MAN2B1: variants seen among roughly 807,000 people sequenced by gnomAD.
MAN2B1 encodes mannosidase alpha class 2B member 1, also known as lysosomal alpha-mannosidase.
MAN2B1 carries 99 observed loss-of-function variants against 127.5 expected under a neutral mutation model. That is an observed-to-expected ratio of 0.78 (90% CI 0.66 to 0.92). The LOEUF (loss-of-function observed/expected upper bound fraction) is 0.92. Ranked by LOEUF, MAN2B1 falls within the 40% of genes least tolerant of loss-of-function variation. The probability of loss-of-function intolerance (pLI) is 0.00; values close to 1 mark genes in which losing one functional copy is unlikely to be tolerated. For synonymous variants in MAN2B1, 573 were observed against 568.8 expected, an observed-to-expected ratio of 1.01 and a Z score of -0.11; for missense variants, 1,304 against 1,384.8, an observed-to-expected ratio of 0.94 and a Z score of 0.93.
chr19:12,652,619 C>T (rs182568218), intron 14 of MAN2B1, among the ~76,000 whole-genome samples, 159 bp from the exon 15 acceptor site: 4 of 150,790 alleles, frequency 2.7e-5, no homozygotes, highest in Non-Finnish European at 5.9e-5. Context: ...GCACCCCCCA[C>T]CTCCCGGGTT....
intron 1 of MAN2B1, 135 bp downstream of exon 1, chr19:12,666,408 G>A (rs1348878979): frequency 1.1e-5 from 11 of 982,834 alleles, no homozygotes; most frequent in East Asian, 2.6e-5. Flanking sequence ...ATGACACAAA[G>A]CACGCACTCA....
chr19:12,648,310 C>T lies in MAN2B1; in HGVS notation c.2529G>A (p.Leu843=), dbSNP rs2145225369. ...GSGAWVRGRH[L]VLLDTAQAAA... ...CAGCCTGGGCTGTGTCCAGCAGCAC[C>T]AGGTGGCGCCCTCGCACCCACGCCC... Residue 843 remains leucine (L), a synonymous_variant, in exon 21 of 24, where the codon CTG becomes CTA. Transcript: ENST00000456935. 1 of 1,613,354 alleles carries T rather than the reference C, an allele frequency of 6.2e-7. No individual in the cohort carries two copies. Among genetic ancestry groups the T allele is most frequent in the Non-Finnish European group, 8.5e-7 (1 of 1,179,870 alleles).
intron 4 of MAN2B1, among the ~76,000 whole-genome samples, chr19:12,664,378 C>T (rs777763573): frequency 2.5e-4 from 38 of 151,646 alleles, no homozygotes; most frequent in Non-Finnish European, 5.0e-4. Flanking sequence ...ACTGTCAAAG[C>T]GCAGAGCAGG....
In MAN2B1 at chr19:12,664,788, G is replaced by A. The variant is rs1305570752; in HGVS notation, c.630+4C>T. On this transcript the variant is annotated splice_donor_region_variant and intron_variant, in intron 4 of 23. Coordinates refer to ENST00000456935, the MANE Select transcript of MAN2B1 (RefSeq NM_000528.4). ...GTGGGCCCAAGAGAGGTCCCGGGTC[G>A]CACCTGCGCAAACAGCGAGGCCTGC... 1.4e-5 allele frequency: 23 copies of A among 1,611,716 alleles called. No homozygotes were observed. The highest frequency in any genetic ancestry group is 2.2e-5 in the East Asian group (1 of 44,800).
intron 7 of MAN2B1, among the ~76,000 whole-genome samples, chr19:12,660,262 T>C (rs2024069402): frequency 6.6e-6 from 1 of 152,200 alleles, no homozygotes; most frequent in Non-Finnish European, 1.5e-5. Context: ...TCCCAGCACC[T>C]TGGGAGGCCG....
chr19:12,648,260 G>C lies in MAN2B1; in HGVS notation c.2579C>G (p.Ala860Gly), dbSNP rs749425508. The change falls in exon 21 of 24, where the codon GCG becomes GGG. Residue 860 changes from alanine to glycine, a missense_variant. Ala to Gly is a moderately conservative substitution (Grantham distance 60). Transcript: ENST00000456935. ...QAAAAGHRLL[A>G]EQEVLAPQVV... ...CTGAGGGGCCAGGACCTCCTGCTCCGCCAGGAGCCGGTGTCCGGCGGCTGC... is the reference window on the plus strand; with the variant it reads ...CTGAGGGGCCAGGACCTCCTGCTCCCCCAGGAGCCGGTGTCCGGCGGCTGC... 8.1e-6 allele frequency: 13 copies of C among 1,604,634 alleles called. No individual in the cohort carries two copies. In the East Asian group the frequency reaches 2.9e-4, roughly 36 times the overall value.
At chr19:12,659,096 A>G (rs1456351368) in intron 7 of MAN2B1, 1 of 165,246 alleles carries the variant, frequency 6.1e-6, no homozygotes, top group East Asian at 1.7e-4. Context: ...TGACCTCATG[A>G]TCCGCCCGCC....
chr19:12,658,055 AC>A lies in MAN2B1; in HGVS notation c.1309+7del, dbSNP rs1382121208. 25 of 1,611,980 alleles carry A rather than the reference AC, an allele frequency of 1.6e-5. No homozygotes were observed. The highest frequency in any genetic ancestry group is 2.1e-5 in the Non-Finnish European group (25 of 1,179,628). On this transcript the variant is annotated splice_region_variant and intron_variant, in intron 10 of 23. Coordinates refer to ENST00000456935, the MANE Select transcript of MAN2B1 (RefSeq NM_000528.4). The stretch of plus-strand genomic sequence containing the variant: ...CAAACCTCTTCCCCTCTTGGGCCCG[AC>A]ACTTACTGAGGGGTGCACTGTCTCC...
At chr19:12,657,319 G>C in intron 11 of MAN2B1, 127 bp downstream of exon 11, 1 of 356,302 alleles carries the variant, frequency 2.8e-6, no homozygotes, top group Non-Finnish European at 4.0e-6. Flanking sequence ...CCGCCCCCAC[G>C]AGCCCTTGTA....
chr19:12,656,896 T>G (rs2023974908), intron 12 of MAN2B1, 53 bp downstream of exon 12: 2 of 1,407,638 alleles, frequency 1.4e-6, no homozygotes, highest in Middle Eastern at 1.8e-4. Flanking sequence ...ATTTTCCAAC[T>G]ACCCCCTCTA....
chr19:12,648,063 G>C, intron 21 of MAN2B1, 112 bp downstream of exon 21: 1 of 1,142,548 alleles, frequency 8.8e-7, no homozygotes, highest in East Asian at 2.6e-5. Context: ...CGAGGGTTTG[G>C]GGCTAATTAT....
Position 12,665,444 on chromosome 19 carries a change from C to T in MAN2B1, c.344G>A (p.Arg115His), listed in dbSNP as rs770824792. 8.7e-6 allele frequency: 14 copies of T among 1,613,916 alleles called. No homozygotes were observed. Among genetic ancestry groups the T allele is most frequent in the Non-Finnish European group, 1.1e-5 (13 of 1,180,038 alleles). The change falls in exon 3 of 24, where the codon CGC (arginine) becomes CAC (histidine). Residue 115 changes from arginine (R) to histidine (H), a missense_variant. By Grantham distance (29) the Arg-to-His change is conservative. Transcript: ENST00000456935. ...ISALLADPTR[R>H]FIYVEIAFFS... Reference sequence around the variant, plus strand: ...GAAGGCAATCTCCACGTAAATGAAGCGACGGGTGGGATCTGCCAGCAAGGC... The same window carrying T: ...GAAGGCAATCTCCACGTAAATGAAGTGACGGGTGGGATCTGCCAGCAAGGC...
intron 14 of MAN2B1, among the ~76,000 whole-genome samples, chr19:12,654,691 T>C (rs765625349): frequency 1.1e-4 from 17 of 152,200 alleles, no homozygotes; most frequent in Non-Finnish European, 1.9e-4. Context: ...TTTTATTTTA[T>C]TGAGACAGGG....
In MAN2B1 at chr19:12,649,352, TC is replaced by T; in HGVS notation, c.2343del (p.Ile782PhefsTer10). On this transcript the variant is annotated frameshift_variant, in exon 19 of 24. Coordinates refer to ENST00000456935, the MANE Select transcript of MAN2B1 (RefSeq NM_000528.4). LOFTEE classifies it high-confidence loss of function. ...TGGGGGAGAGCTACCGTGATGTAAATCCGGGTGTTGACTGGATAGTAGTTTC... is the reference window on the plus strand; with the variant it reads ...TGGGGGAGAGCTACCGTGATGTAAATCGGGTGTTGACTGGATAGTAGTTTC... ...VAGNYYPVNTRIYITDGNMQL... is the reference protein window; with the variant it reads ...VAGNYYPVNTXIYITDGNMQL... 6.2e-7 allele frequency: 1 copy of T among 1,613,520 alleles called. No homozygotes were observed. The highest frequency in any genetic ancestry group is 8.5e-7 in the Non-Finnish European group (1 of 1,179,768).
Position 12,646,986 on chromosome 19 carries a change from C to A in MAN2B1, c.2923+247G>T, listed in dbSNP as rs747434032. 4.9e-6 allele frequency: 3 copies of A among 607,884 alleles called. No individual in the cohort carries two copies. The African/African-American group carries it at 5.6e-5, about 11-fold the overall frequency. 37.7% of individuals were successfully genotyped at this position (607,884 alleles called of 1,614,324 possible). The stretch of plus-strand genomic sequence containing the variant: ...AGGGGTGATGAACACCCTCCCAGAA[C>A]TAGACATGGATGGGGATTTTCAAAT... On this transcript the variant is annotated intron_variant, in intron 23 of 23. Transcript: ENST00000456935.
In MAN2B1 at chr19:12,646,658, A is replaced by G; in HGVS notation, c.2998T>C (p.Phe1000Leu). 6.2e-7 allele frequency: 1 copy of G among 1,614,046 alleles called. No individual in the cohort carries two copies. Among genetic ancestry groups the G allele is most frequent in the African/African-American group, 1.3e-5 (1 of 75,004 alleles). ...ITLEPMEIRT[F>L]LASVQWKEVD... ...TCCTTCCATTGAACTGAGGCCAGGA[A>G]AGTGCGGATTTCCATGGGTTCCAGC... is the stretch of plus-strand genomic sequence containing the variant. The change falls in exon 24 of 24, where the codon TTC becomes CTC. Residue 1000 changes from phenylalanine to leucine, a missense_variant. By Grantham distance (22) the Phe-to-Leu change is conservative. Coordinates refer to ENST00000456935, the MANE Select transcript of MAN2B1 (RefSeq NM_000528.4).
Position 12,657,056 on chromosome 19 carries a change from C to T in MAN2B1, c.1420G>A (p.Val474Ile). Residue 474 changes from valine to isoleucine, a missense_variant and splice_region_variant, in exon 12 of 24, where the codon GTT becomes ATT. Transcript: ENST00000456935. ...CGCGCCAGCGCGTTGCTCAGAAGAA[C>T]CTGCGGAAGAGCGCAAAGGGACCGG... ...QLAAGWGPCEVLLSNALARLR... is the reference protein window; with the variant it reads ...QLAAGWGPCEILLSNALARLR... 6.3e-7 allele frequency: 1 copy of T among 1,598,832 alleles called. No homozygotes were observed. Among genetic ancestry groups the T allele is most frequent in the Non-Finnish European group, 8.5e-7 (1 of 1,170,422 alleles).
intron 16 of MAN2B1, among the ~76,000 whole-genome samples, chr19:12,651,361 G>C (rs951697487): frequency 6.6e-6 from 1 of 152,270 alleles, no homozygotes; most frequent in East Asian, 1.9e-4. Context: ...GTGGCGGCTG[G>C]AGCTTCAGCA....
At position 12,656,841 on chromosome 19, in the gene MAN2B1, C is replaced by T. The variant is rs1000874839; in HGVS notation, c.1527+108G>A. 55 of 1,099,818 alleles carry T rather than the reference C, an allele frequency of 5.0e-5. No homozygotes were observed. The Admixed American group carries it at 9.5e-4, about 19-fold the overall frequency. The allele number at this position is 1,099,818 out of a possible 1,614,324, so 68.1% of individuals were successfully genotyped here. A position where few individuals can be genotyped will look rare whatever the true frequency, so the allele number is the denominator to read the frequency against. ...TGCGTTGTTCTCTCTGCTGACCCAG[C>T]TTCGCAGCCCACGTAATTTCACTCC... On this transcript the variant is annotated intron_variant, in intron 12 of 23. Coordinates refer to ENST00000456935, the MANE Select transcript of MAN2B1 (RefSeq NM_000528.4).
Sources: gnomAD v4.1 joint callset for allele counts (sites outside exome capture counted in the v4.1 genomes callset) on GRCh38, gnomAD v4.1.1 for gene constraint, MANE v1.5 for transcripts, NCBI Gene and HGNC (gene_info 2026-07-23, HGNC 2026-07-21) for gene names.